Variants in RC3H2 observed in about 807,000 individuals in gnomAD.
RC3H2 encodes the protein ring finger and CCCH-type domains 2.
In RC3H2, 31 loss-of-function variants were observed where a neutral mutation model predicts 133.3. The ratio of observed to expected loss-of-function variants is 0.23; its 90% CI spans 0.17 to 0.31. The LOEUF (loss-of-function observed/expected upper bound fraction) is 0.31. RC3H2 is among the 10% of genes least tolerant of loss of function. RC3H2 has a pLI of 1.00. For synonymous variants in RC3H2, 517 were observed against 502.2 expected (o/e 1.03, Z -0.40); for missense variants, 1,175 against 1,437.2 (o/e 0.82, Z 2.95).
At chr9:122,904,989 C>T in intron 1 of RC3H2, 121 bp downstream of exon 1, 2 of 709,966 alleles carry the variant, frequency 2.8e-6, no homozygotes, top group Non-Finnish European at 3.5e-6. Flanking sequence ...GTTCCCAACC[C>T]TCGAGGCACC....
At position 122,846,841 on chromosome 9, in the gene RC3H2, T is replaced by C. The variant is rs964059182; in HGVS notation, c.*2786A>G. 13 of 152,168 alleles carry C rather than the reference T, an allele frequency of 8.5e-5. No individual in the cohort carries two copies. Among genetic ancestry groups the C allele is most frequent in the Non-Finnish European group, 4.4e-5 (3 of 67,992 alleles). The allele number at this position is 152,168 out of a possible 1,614,324, so 9.4% of individuals were successfully genotyped here. On this transcript the variant is annotated 3_prime_UTR_variant, in exon 21 of 21. Coordinates refer to ENST00000357244, the MANE Select transcript of RC3H2 (RefSeq NM_001100588.3). ...TGATTTGTAACATTTTCCTCGATGA[T>C]ATCAGTAGGTACCATTCTGAAGAAG...
chr9:122,904,616 C>G (rs1192470685), intron 1 of RC3H2, among the ~76,000 whole-genome samples: 1 of 152,216 alleles, frequency 6.6e-6, no homozygotes, highest in Non-Finnish European at 1.5e-5. Flanking sequence ...CCGGCCGTCC[C>G]CATCCTGGGA....
At chr9:122,852,770 C>T (rs1460806571) in intron 18 of RC3H2, among the ~76,000 whole-genome samples, 2 of 150,406 alleles carry the variant, frequency 1.3e-5, no homozygotes, top group Non-Finnish European at 3.0e-5. Context: ...GGGGGTCAGC[C>T]CCCCGCCTGG....
chr9:122,849,799 G>T lies in RC3H2; in HGVS notation c.3404C>A (p.Pro1135Gln). ...TGGCTGGCTAAAGCAAGAAGTTACCGGCAGAATTGTTTTTTGCTCCTCCCT... is the reference window on the plus strand; with the variant it reads ...TGGCTGGCTAAAGCAAGAAGTTACCTGCAGAATTGTTTTTTGCTCCTCCCT... ...VILEEQKTIL[P>Q]VTSCFSQPLP... Residue 1135 changes from proline (P) to glutamine (Q), a missense_variant, in exon 21 of 21, where the codon CCG (proline) becomes CAG (glutamine). Physicochemically the swap from Pro to Gln is moderately conservative, Grantham distance 76. Coordinates refer to ENST00000357244, the MANE Select transcript of RC3H2 (RefSeq NM_001100588.3). 3 of 1,566,998 alleles carry T rather than the reference G, an allele frequency of 1.9e-6. No homozygotes were observed. The highest frequency in any genetic ancestry group is 1.7e-6 in the Non-Finnish European group (2 of 1,160,714).
intron 9 of RC3H2, 126 bp downstream of exon 9, chr9:122,877,345 C>T: frequency 1.4e-6 from 1 of 712,134 alleles, no homozygotes; most frequent in Non-Finnish European, 2.4e-6. Context: ...GGACTACAGG[C>T]ATGAGCTATG....
chr9:122,845,632 G>C lies in RC3H2; in HGVS notation c.*3995C>G, dbSNP rs1362187869. 6.6e-6 allele frequency: 1 copy of C among 152,188 alleles called. No homozygotes were observed. Among genetic ancestry groups the C allele is most frequent in the East Asian group, 1.9e-4 (1 of 5,192 alleles). 9.4% of individuals were successfully genotyped at this position (152,188 alleles called of 1,614,324 possible). ...ACTCCACTCAAATGTGGGGTGTTTT[G>C]ATCTGTGGTCTTGACGCCTTGTATT... On this transcript the variant is annotated 3_prime_UTR_variant, in exon 21 of 21. Coordinates refer to ENST00000357244, the MANE Select transcript of RC3H2 (RefSeq NM_001100588.3).
chr9:122,849,726 A>G lies in RC3H2; in HGVS notation c.3477T>C (p.Ser1159=). The G allele has an allele frequency of 1.2e-6, 2 of 1,610,750 alleles. No individual in the cohort carries two copies. The highest frequency in any genetic ancestry group is 1.7e-6 in the Non-Finnish European group (2 of 1,178,432). ...SNASCLPITT[S]VSAGNLILKT... Reference sequence around the variant, plus strand: ...TCAGAATGAGGTTGCCAGCACTGACAGATGTGGTGATGGGGAGGCAACTTG... The same window carrying G: ...TCAGAATGAGGTTGCCAGCACTGACGGATGTGGTGATGGGGAGGCAACTTG... The change falls in exon 21 of 21, where the codon TCT becomes TCC. Residue 1159 remains serine, a synonymous_variant. Transcript: ENST00000357244.
intron 2 of RC3H2, among the ~76,000 whole-genome samples, chr9:122,894,198 G>A (rs865903802): frequency 5.3e-5 from 8 of 151,936 alleles, no homozygotes; most frequent in Non-Finnish European, 8.8e-5. Context: ...GGCAGAGCTT[G>A]CAGTGAGCCG....
At chr9:122,899,090 GTTTTTTTTTTT>G (rs1183512993) in intron 1 of RC3H2, among the ~76,000 whole-genome samples, 1 of 88,410 alleles carries the variant, frequency 1.1e-5, no homozygotes, top group Admixed American at 1.5e-4. Context: ...CCTTTATTGT[GTTTTTTTTTTT>G]TTTTTTTTTT....
chr9:122,880,707 G>C lies in RC3H2; in HGVS notation c.847C>G (p.Gln283Glu). 1 of 1,613,934 alleles carries C rather than the reference G, an allele frequency of 6.2e-7. No homozygotes were observed. The highest frequency in any genetic ancestry group is 8.5e-7 in the Non-Finnish European group (1 of 1,179,848). ...YEALRREHDA[Q>E]IVHIAMEAGL... ...GCTTCCATGGCAATATGAACAATTT[G>C]GGCATCATGTTCTCTGCGTAATGCT... Residue 283 changes from glutamine to glutamate, a missense_variant, in exon 6 of 21, where the codon CAA (glutamine) becomes GAA (glutamate). Gln to Glu is a conservative substitution (Grantham distance 29). Coordinates refer to ENST00000357244, the MANE Select transcript of RC3H2 (RefSeq NM_001100588.3).
At chr9:122,854,135 C>T in intron 17 of RC3H2, 49 bp from the exon 18 acceptor site, 3 of 1,611,870 alleles carry the variant, frequency 1.9e-6, no homozygotes, top group Non-Finnish European at 2.5e-6. Flanking sequence ...CTATAGCTTT[C>T]AACTGTCATT....
At chr9:122,861,474 G>A (rs1321550203) in intron 10 of RC3H2, among the ~76,000 whole-genome samples, 3 of 128,746 alleles carry the variant, frequency 2.3e-5, no homozygotes, top group South Asian at 4.8e-4. Context: ...CAGGCAACAA[G>A]AGCGAAACTC....
intron 18 of RC3H2, among the ~76,000 whole-genome samples, chr9:122,851,769 G>A (rs1224325289): frequency 1.3e-5 from 2 of 152,268 alleles, no homozygotes; most frequent in Admixed American, 6.5e-5. Flanking sequence ...GAGGTGCCGG[G>A]ATTGCAGACG....
intron 15 of RC3H2, 36 bp from the exon 16 acceptor site, chr9:122,854,651 G>T: frequency 1.4e-6 from 2 of 1,421,818 alleles, no homozygotes; most frequent in Non-Finnish European, 2.0e-6. Flanking sequence ...GGTCAAAAAA[G>T]TGAAAAATCA....
chr9:122,879,921 G>A (rs1284975424), intron 7 of RC3H2, 48 bp from the exon 8 acceptor site: 2 of 1,609,712 alleles, frequency 1.2e-6, no homozygotes, highest in Non-Finnish European at 1.7e-6. Context: ...AAGAATGTTA[G>A]CAGTAATTCT....
chr9:122,881,854 A>G (rs1340635382), intron 5 of RC3H2, among the ~76,000 whole-genome samples: 5 of 152,214 alleles, frequency 3.3e-5, no homozygotes, highest in Admixed American at 1.3e-4. Context: ...TAGAAGTGAC[A>G]TGATCAGATT....
intron 13 of RC3H2, among the ~76,000 whole-genome samples, chr9:122,856,194 G>GA (rs1218327550): frequency 1.3e-5 from 2 of 151,932 alleles, no homozygotes; most frequent in African/African-American, 4.8e-5. Context: ...AAAAGTAAGA[G>GA]AAAACAAATA....
At chr9:122,853,799 G>A (rs762135683) in intron 18 of RC3H2, 153 bp downstream of exon 18, 1 of 1,487,956 alleles carries the variant, frequency 6.7e-7, no homozygotes, top group Non-Finnish European at 9.0e-7. Context: ...AGAAATCTGG[G>A]ATTACAATTT....
chr9:122,858,643 T>C (rs1363766748), intron 12 of RC3H2, 26 bp downstream of exon 12: 1 of 1,584,386 alleles, frequency 6.3e-7, no homozygotes, highest in African/African-American at 1.3e-5. Context: ...TGTTAATGAC[T>C]ACATTATAGT....
Sources: allele counts gnomAD v4.1 joint callset (sites outside exome capture counted in the v4.1 genomes callset), GRCh38; gene constraint gnomAD v4.1.1; transcripts MANE v1.5; gene names NCBI Gene and HGNC (gene_info 2026-07-23, HGNC 2026-07-21).